SLC9D1: variants seen among roughly 807,000 people sequenced by gnomAD.
SLC9D1 encodes the protein solute carrier family 9 member D1.
the SLC9D1 span, among the ~76,000 whole-genome samples, chr13:113,517,467 A>G: frequency 6.6e-6 from 1 of 152,088 alleles, no homozygotes; most frequent in Non-Finnish European, 1.5e-5. Flanking sequence ...TGACCTCGTG[A>G]TCCGCCCGCC....
At chr13:113,501,617 G>A in the SLC9D1 span, 52 of 645,670 alleles carry the variant, frequency 8.1e-5, no homozygotes, top group South Asian at 1.0e-3. Context: ...GAGGAAAATC[G>A]GTGGTTTTGT....
the SLC9D1 span, among the ~76,000 whole-genome samples, chr13:113,538,241 T>TGC: frequency 8.4e-5 from 5 of 59,494 alleles, no homozygotes; most frequent in Admixed American, 2.2e-4. Context: ...TTGTGTGGTG[T>TGC]GTGTGTGGTA....
chr13:113,521,435 G>A, the SLC9D1 span, among the ~76,000 whole-genome samples: 4 of 150,356 alleles, frequency 2.7e-5, no homozygotes, highest in South Asian at 8.4e-4. Context: ...TGGTGTGCGT[G>A]TTTGTTCTGT....
At chr13:113,539,807 T>C in the SLC9D1 span, among the ~76,000 whole-genome samples, 3 of 152,046 alleles carry the variant, frequency 2.0e-5, no homozygotes, top group Non-Finnish European at 4.4e-5. The surrounding 1 kb of genome is among the most constrained non-coding windows in gnomAD (Gnocchi z 4.8). Context: ...GTACAGATGA[T>C]TTTGCCACCC....
At chr13:113,533,426 CTT>C in the SLC9D1 span, among the ~76,000 whole-genome samples, 2 of 152,208 alleles carry the variant, frequency 1.3e-5, no homozygotes, top group African/African-American at 2.4e-5. Flanking sequence ...ACCGAGGAAA[CTT>C]TCACCAGAAT....
chr13:113,538,506 G>A, the SLC9D1 span, among the ~76,000 whole-genome samples: 28 of 152,342 alleles, frequency 1.8e-4, no homozygotes, highest in Middle Eastern at 3.4e-3. Context: ...GCTCCTGTGC[G>A]TCTGTTGGCC....
the SLC9D1 span, among the ~76,000 whole-genome samples, chr13:113,499,557 A>G: frequency 2.5e-3 from 375 of 152,342 alleles, no homozygotes; most frequent in African/African-American, 8.7e-3. Flanking sequence ...TAAGAAAAAA[A>G]GTGGGACTGA....
the SLC9D1 span, chr13:113,496,095 TGCCCACATCCTCATCCTAGAGACA>T: frequency 9.7e-7 from 1 of 1,028,222 alleles, no homozygotes; most frequent in African/African-American, 1.6e-5. Flanking sequence ...GGAGAGTGCG[TGCCCACATCCTCATCCTAGAGACA>T]GCCCACACGG....
the SLC9D1 span, chr13:113,547,192 G>T: frequency 1.2e-6 from 1 of 856,856 alleles, no homozygotes; most frequent in Non-Finnish European, 1.9e-6. Context: ...GAGGATTTAG[G>T]ATTTTAATTC....
At chr13:113,540,317 C>T in the SLC9D1 span, among the ~76,000 whole-genome samples, 1 of 152,220 alleles carries the variant, frequency 6.6e-6, no homozygotes, top group African/African-American at 2.4e-5. Flanking sequence ...AATCTCCAGA[C>T]TTTCCATCGC....
the SLC9D1 span, among the ~76,000 whole-genome samples, chr13:113,526,522 C>G: frequency 6.6e-6 from 1 of 151,922 alleles, no homozygotes; most frequent in South Asian, 2.1e-4. Context: ...AGTTCAAGAC[C>G]AGCCTGGGCA....
chr13:113,515,863 C>G, the SLC9D1 span, among the ~76,000 whole-genome samples: 1 of 142,730 alleles, frequency 7.0e-6, no homozygotes, highest in South Asian at 2.2e-4. Flanking sequence ...TGCACTCCAG[C>G]CTGGTTGACA....
chr13:113,497,440 G>GTGAGACCTGCAGCTGTA, the SLC9D1 span, among the ~76,000 whole-genome samples: 5 of 149,508 alleles, frequency 3.3e-5, no homozygotes, highest in South Asian at 4.3e-4. Flanking sequence ...CCAGCTGTGT[G>GTGAGACCTGCAGCTGTA]TGAGACCTGC....
chr13:113,516,580 G>A, the SLC9D1 span, among the ~76,000 whole-genome samples: 3,852 of 143,686 alleles, frequency 0.027, 109 homozygotes, highest in East Asian at 0.11. Flanking sequence ...AAAAAAAAAA[G>A]AAAAGAAAAG....
the SLC9D1 span, chr13:113,539,246 GCTT>G: frequency 9.8e-7 from 1 of 1,022,022 alleles, no homozygotes; most frequent in South Asian, 1.5e-5. This position sits in a 1 kb window ranked among gnomAD's most constrained non-coding sequence, Gnocchi z 4.8. Flanking sequence ...TGTTTGTGCA[GCTT>G]CTGTGTTTTG....
chr13:113,509,319 C>T, the SLC9D1 span, among the ~76,000 whole-genome samples: 4 of 108,208 alleles, frequency 3.7e-5, no homozygotes, highest in African/African-American at 1.8e-4. Flanking sequence ...GTTAGGATGG[C>T]AGGCTTGGTG....
chr13:113,491,448 G>A, the SLC9D1 span, among the ~76,000 whole-genome samples: 2 of 135,340 alleles, frequency 1.5e-5, no homozygotes, highest in Admixed American at 7.4e-5. Flanking sequence ...CTCCCTCCCC[G>A]GGGCTCCCAT....
the SLC9D1 span, chr13:113,547,116 TC>T: frequency 1.7e-6 from 1 of 595,942 alleles, no homozygotes; most frequent in East Asian, 2.9e-5. Context: ...GGCAGGCTTT[TC>T]CCCGGTTCGC....
the SLC9D1 span, chr13:113,498,449 T>C: frequency 6.3e-7 from 1 of 1,590,026 alleles, no homozygotes; most frequent in East Asian, 2.3e-5. Context: ...ACGAGATTCT[T>C]GAAGATGTAA....
Sources: allele counts gnomAD v4.1 joint callset (sites outside exome capture counted in the v4.1 genomes callset), GRCh38; gene constraint gnomAD v4.1.1; non-coding constraint Gnocchi (gnomAD v3.1); transcripts MANE v1.5; gene names NCBI Gene and HGNC (gene_info 2026-07-23, HGNC 2026-07-21).